Variants in MVB12B observed in about 807,000 individuals in gnomAD.
MVB12B encodes the protein multivesicular body subunit 12B.
MVB12B carries 16 observed loss-of-function variants against 41.6 expected under a neutral mutation model. The observed-to-expected ratio is 0.38, with a 90% CI of 0.26 to 0.58. The LOEUF is 0.58. MVB12B is among the 20% of genes least tolerant of loss of function. The pLI, the probability that MVB12B is intolerant of heterozygous loss-of-function variation, is 0.62. For missense variants in MVB12B, 274 were observed against 380.2 expected, an observed-to-expected ratio of 0.72 and a Z score of 2.32; for synonymous variants, 133 against 139.7, an observed-to-expected ratio of 0.95 and a Z score of 0.34.
intron 2 of MVB12B, among the ~76,000 whole-genome samples, chr9:126,358,683 C>A (rs1008986046): frequency 2.0e-5 from 3 of 152,296 alleles, no homozygotes; most frequent in South Asian, 2.1e-4. Flanking sequence ...GTTCTTATAA[C>A]GTTTTTGAAT....
At chr9:126,403,201 G>A (rs4837078) in intron 6 of MVB12B, among the ~76,000 whole-genome samples, 18,845 of 152,114 alleles carry the variant, frequency 0.12, 1,572 homozygotes, top group East Asian at 0.38. Context: ...CCTGTTATCC[G>A]ACCGCCCCCC....
At chr9:126,477,577 A>C (rs924849376) in intron 7 of MVB12B, among the ~76,000 whole-genome samples, 5 of 152,178 alleles carry the variant, frequency 3.3e-5, no homozygotes, top group African/African-American at 1.2e-4. Flanking sequence ...AGCAGGCAAG[A>C]GAGCATGTGC....
Position 126,463,853 on chromosome 9 carries a change from T to C in MVB12B, c.758-17516T>C, listed in dbSNP as rs147662120. Among the ~76,000 whole-genome samples the C allele has an allele frequency of 6.2e-4, 94 of 152,320 alleles. 1 individual carries two copies. Among genetic ancestry groups the C allele is most frequent in the African/African-American group, 2.2e-3 (90 of 41,572 alleles). ...ACCTGTAGGGAGTCTTTTTGAAATC[T>C]TAAGCAAAATTTATAACAAGGTTAT... On this transcript the variant is annotated intron_variant, in intron 7 of 9. Coordinates refer to ENST00000361171, the MANE Select transcript of MVB12B (RefSeq NM_033446.3).
chr9:126,328,157 G>A (rs535671837), intron 1 of MVB12B, among the ~76,000 whole-genome samples: 1 of 152,260 alleles, frequency 6.6e-6, no homozygotes, highest in African/African-American at 2.4e-5. Context: ...AGTAGATGGT[G>A]ACACCTTTCT....
At chr9:126,353,461 T>C (rs1829804874) in intron 2 of MVB12B, among the ~76,000 whole-genome samples, 1 of 152,228 alleles carries the variant, frequency 6.6e-6, no homozygotes, top group African/African-American at 2.4e-5. Context: ...TTGGTTAAGT[T>C]ACTTTACCTC....
intron 2 of MVB12B, among the ~76,000 whole-genome samples, chr9:126,352,852 C>A (rs910649120): frequency 6.6e-6 from 1 of 152,164 alleles, no homozygotes; most frequent in Non-Finnish European, 1.5e-5. Context: ...CTTTCCAAAA[C>A]ATTTATGTTT....
chr9:126,426,332 T>C (rs1588163424), intron 7 of MVB12B, among the ~76,000 whole-genome samples: 1 of 152,338 alleles, frequency 6.6e-6, no homozygotes, highest in East Asian at 1.9e-4. Flanking sequence ...GACTGTAGCT[T>C]TCCTGGTGCT....
chr9:126,379,395 G>C (rs184385383), intron 2 of MVB12B, among the ~76,000 whole-genome samples: 36 of 152,224 alleles, frequency 2.4e-4, no homozygotes, highest in Admixed American at 2.0e-3. Flanking sequence ...ACAAGCATAG[G>C]GGGTGCTTTG....
At chr9:126,422,551 A>C (rs778693867) in intron 7 of MVB12B, among the ~76,000 whole-genome samples, 3 of 152,222 alleles carry the variant, frequency 2.0e-5, no homozygotes, top group Non-Finnish European at 4.4e-5. Context: ...GGTGCTTGGC[A>C]GCACAGGTGA....
chr9:126,440,517 T>C (rs1486761623), intron 7 of MVB12B, among the ~76,000 whole-genome samples: 1 of 151,992 alleles, frequency 6.6e-6, no homozygotes, highest in Non-Finnish European at 1.5e-5. Flanking sequence ...CTGAAATACA[T>C]GTAATAAAGT....
chr9:126,432,109 C>T (rs1333046161), intron 7 of MVB12B, among the ~76,000 whole-genome samples: 1 of 152,190 alleles, frequency 6.6e-6, no homozygotes, highest in Admixed American at 6.5e-5. Flanking sequence ...TTGACTGTAA[C>T]GTTCCTAAAC....
intron 7 of MVB12B, among the ~76,000 whole-genome samples, chr9:126,475,876 C>A (rs1833409193): frequency 6.6e-6 from 1 of 152,174 alleles, no homozygotes; most frequent in South Asian, 2.1e-4. Flanking sequence ...AAATAAAAGT[C>A]TATTTTCTAG....
At chr9:126,476,870 CCA>C (rs1401579704) in intron 7 of MVB12B, among the ~76,000 whole-genome samples, 2 of 119,586 alleles carry the variant, frequency 1.7e-5, no homozygotes, top group Middle Eastern at 4.8e-3. Context: ...GAGCGAGACT[CCA>C]TCTCAAAAAA....
At chr9:126,396,487 C>T (rs200495397) in intron 6 of MVB12B, 9 of 985,474 alleles carry the variant, frequency 9.1e-6, no homozygotes, top group South Asian at 4.7e-5. Context: ...CAAGCTTCCA[C>T]GTGGGTGAAT....
intron 7 of MVB12B, among the ~76,000 whole-genome samples, chr9:126,432,333 T>C (rs1279652497): frequency 6.6e-6 from 1 of 152,240 alleles, no homozygotes; most frequent in Non-Finnish European, 1.5e-5. Flanking sequence ...TTCAGAGGTT[T>C]ACTCTGGAGT....
intron 2 of MVB12B, among the ~76,000 whole-genome samples, chr9:126,351,148 T>G (rs1829735550): frequency 6.6e-6 from 1 of 152,208 alleles, no homozygotes; most frequent in African/African-American, 2.4e-5. Context: ...TTTTGAGCAA[T>G]TATAAATGGA....
At chr9:126,350,266 A>G (rs1159296188) in intron 2 of MVB12B, among the ~76,000 whole-genome samples, 4 of 152,096 alleles carry the variant, frequency 2.6e-5, no homozygotes, top group Non-Finnish European at 5.9e-5. Context: ...TGGTTTCCAA[A>G]TATTTCTCCT....
chr9:126,387,496 T>C (rs1182262159), intron 4 of MVB12B, among the ~76,000 whole-genome samples: 1 of 152,234 alleles, frequency 6.6e-6, no homozygotes, highest in African/African-American at 2.4e-5. Context: ...CCCACTGTTT[T>C]TTGCTGTTTT....
chr9:126,429,428 C>T (rs946129031), intron 7 of MVB12B, among the ~76,000 whole-genome samples: 1 of 152,128 alleles, frequency 6.6e-6, no homozygotes, highest in Admixed American at 6.5e-5. Context: ...TGCCTTGTTT[C>T]GATTGATGAA....
Sources: allele counts gnomAD v4.1 joint callset (sites outside exome capture counted in the v4.1 genomes callset), GRCh38; gene constraint gnomAD v4.1.1; transcripts MANE v1.5; gene names NCBI Gene and HGNC (gene_info 2026-07-23, HGNC 2026-07-21).